PIK3CB: variants seen among roughly 807,000 people sequenced by gnomAD.
PIK3CB encodes the protein phosphatidylinositol 4,5-bisphosphate 3-kinase catalytic subunit beta isoform.
In PIK3CB, 39 loss-of-function variants were observed where a neutral mutation model predicts 136.8. The ratio of observed to expected loss-of-function variants is 0.29; its 90% confidence interval spans 0.22 to 0.37. The LOEUF is 0.37. PIK3CB is among the 10% of genes least tolerant of loss of function. PIK3CB has a pLI of 1.00. For missense variants in PIK3CB, 868 were observed against 1,275.4 expected (o/e 0.68, Z 4.87); for synonymous variants, 428 against 436.6 (o/e 0.98, Z 0.25).
intron 8 of PIK3CB, among the ~76,000 whole-genome samples, chr3:138,727,553 C>T (rs951730570): frequency 6.6e-6 from 1 of 152,240 alleles, no homozygotes; most frequent in Non-Finnish European, 1.5e-5. Flanking sequence ...TCACATGGAA[C>T]AGAACTGGGC....
In PIK3CB at chr3:138,787,048, C is replaced by T. The variant is rs574309098; in HGVS notation, c.-17+9415G>A. 7.2e-5 allele frequency among the ~76,000 whole-genome samples: 11 copies of T among 152,268 alleles called. No individual in the cohort carries two copies. In the East Asian group the frequency reaches 9.6e-4, roughly 13 times the overall value. On this transcript the variant is annotated intron_variant, in intron 2 of 23. Transcript: ENST00000674063. Reference sequence around the variant, plus strand: ...AACAGTAAGCACTCAACAATATCATCTTTATGAACATTTTTTCTAACTGCG... The same window carrying T: ...AACAGTAAGCACTCAACAATATCATTTTTATGAACATTTTTTCTAACTGCG...
At chr3:138,772,592 G>A (rs974388163) in intron 2 of PIK3CB, among the ~76,000 whole-genome samples, 4 of 150,764 alleles carry the variant, frequency 2.7e-5, no homozygotes, top group Non-Finnish European at 5.9e-5. Context: ...TGAGTAGCTA[G>A]GACTGTAAGC....
At chr3:138,759,056 C>A (rs182006887) in intron 3 of PIK3CB, 117 bp downstream of exon 3, 12 of 587,046 alleles carry the variant, frequency 2.0e-5, no homozygotes, top group African/African-American at 1.9e-4. Context: ...TAATTACCAT[C>A]ACTTCATTAC....
chr3:138,778,022 CT>C (rs1235518674), intron 2 of PIK3CB: 1 of 387,076 alleles, frequency 2.6e-6, no homozygotes, highest in Non-Finnish European at 5.1e-6. Context: ...GAATGGCAAG[CT>C]TGTCATCAAT....
intron 1 of PIK3CB, among the ~76,000 whole-genome samples, chr3:138,812,941 T>C (rs1320299140): frequency 1.3e-5 from 2 of 152,162 alleles, no homozygotes; most frequent in African/African-American, 4.8e-5. Context: ...AATAAGTGAA[T>C]GTAAAACTGG....
chr3:138,675,359 T>C (rs1310770075), intron 19 of PIK3CB, among the ~76,000 whole-genome samples: 2 of 151,762 alleles, frequency 1.3e-5, no homozygotes, highest in Admixed American at 1.3e-4. Context: ...CATAATGGCG[T>C]TTAAGAAGGA....
chr3:138,704,849 C>T (rs921077710), intron 11 of PIK3CB, among the ~76,000 whole-genome samples: 1 of 151,934 alleles, frequency 6.6e-6, no homozygotes, highest in Non-Finnish European at 1.5e-5. Context: ...GTAGAATAAA[C>T]TTTTCTCATT....
At chr3:138,705,533 CAT>C (rs1028034015) in intron 11 of PIK3CB, among the ~76,000 whole-genome samples, 1 of 151,962 alleles carries the variant, frequency 6.6e-6, no homozygotes, top group African/African-American at 2.4e-5. Flanking sequence ...TTCAGAAAAA[CAT>C]GTTTAAAAAA....
At chr3:138,681,941 A>G (rs1408062360) in intron 19 of PIK3CB, 26 bp downstream of exon 19, 6 of 431,344 alleles carry the variant, frequency 1.4e-5, no homozygotes, top group Non-Finnish European at 2.0e-5. Flanking sequence ...CATTAGACTG[A>G]AAAAAAAAAA....
At chr3:138,655,608 G>T in intron 23 of PIK3CB, 82 bp from the exon 24 acceptor site, 5 of 1,082,542 alleles carry the variant, frequency 4.6e-6, no homozygotes, top group South Asian at 2.6e-5. Context: ...AGGCTGGATT[G>T]GTTGTGCCTC....
At chr3:138,785,251 G>T (rs1461171609) in intron 2 of PIK3CB, among the ~76,000 whole-genome samples, 1 of 150,780 alleles carries the variant, frequency 6.6e-6, no homozygotes, top group East Asian at 2.0e-4. Context: ...GGAAGCTCCC[G>T]CCCGGCAGCC....
At chr3:138,692,007 G>C (rs1378952651) in intron 14 of PIK3CB, among the ~76,000 whole-genome samples, 2 of 152,182 alleles carry the variant, frequency 1.3e-5, no homozygotes, top group South Asian at 4.1e-4. Flanking sequence ...ATGAGAAAGT[G>C]AATACATTTA....
intron 1 of PIK3CB, among the ~76,000 whole-genome samples, chr3:138,820,264 A>G (rs1483636168): frequency 6.6e-6 from 1 of 152,198 alleles, no homozygotes; most frequent in Non-Finnish European, 1.5e-5. Flanking sequence ...AACATCAGTC[A>G]ACCCCAGATG....
chr3:138,800,833 C>T (rs2046166106), intron 1 of PIK3CB, among the ~76,000 whole-genome samples: 1 of 152,110 alleles, frequency 6.6e-6, no homozygotes, highest in African/African-American at 2.4e-5. Context: ...CCATGTTGGC[C>T]AGGCTGGTCT....
At chr3:138,657,480 ATT>A in intron 22 of PIK3CB, 1 of 507,456 alleles carries the variant, frequency 2.0e-6, no homozygotes, top group Non-Finnish European at 3.4e-6. Context: ...AAATATAATA[ATT>A]ATTTTAAATT....
intron 9 of PIK3CB, among the ~76,000 whole-genome samples, chr3:138,713,948 A>C (rs2044557118): frequency 6.6e-6 from 1 of 152,182 alleles, no homozygotes; most frequent in Non-Finnish European, 1.5e-5. Context: ...GATAACAAAA[A>C]GCTAATGATA....
intron 13 of PIK3CB, among the ~76,000 whole-genome samples, chr3:138,696,842 T>C (rs1003315541): frequency 6.6e-6 from 1 of 152,118 alleles, no homozygotes; most frequent in Non-Finnish European, 1.5e-5. Context: ...TCCTGGGTTT[T>C]GAAATAGCAG....
chr3:138,702,270 T>TCTCTACAAAAGAGAGAGACCCCAGGCTG (rs879653213), intron 12 of PIK3CB, among the ~76,000 whole-genome samples: 1,594 of 150,676 alleles, frequency 0.011, 15 homozygotes, highest in Non-Finnish European at 0.019. Flanking sequence ...AGATGGGGTC[T>TCTCTACAAAAGAGAGAGACCCCAGGCTG]CTCTGTATGG....
chr3:138,684,501 G>T, intron 17 of PIK3CB, 124 bp downstream of exon 17: 1 of 591,672 alleles, frequency 1.7e-6, no homozygotes, highest in South Asian at 4.4e-5. Flanking sequence ...GAACTTTTAA[G>T]ATTTTCCTTC....
Sources: allele counts gnomAD v4.1 joint callset (sites outside exome capture counted in the v4.1 genomes callset), GRCh38; gene constraint gnomAD v4.1.1; transcripts MANE v1.5; gene names NCBI Gene and HGNC (gene_info 2026-07-23, HGNC 2026-07-21).